RPS6KA5: variants seen among roughly 807,000 people sequenced by gnomAD.
RPS6KA5 encodes ribosomal protein S6 kinase alpha-5.
Under a neutral mutation model 85.5 loss-of-function variants are expected in RPS6KA5, and 27 were observed. The observed-to-expected ratio is 0.32, with a 90% confidence interval of 0.23 to 0.44. The LOEUF (loss-of-function observed/expected upper bound fraction) is 0.44. Ranked by LOEUF, RPS6KA5 falls within the 20% of genes least tolerant of loss-of-function variation. The probability of loss-of-function intolerance (pLI) is 1.00; values close to 1 mark genes in which losing one functional copy is unlikely to be tolerated. For synonymous variants in RPS6KA5, 334 were observed against 348.2 expected (o/e 0.96, Z 0.46); for missense variants, 811 against 980.9 (o/e 0.83, Z 2.31).
At chr14:91,020,012 G>T (rs553407556) in intron 1 of RPS6KA5, among the ~76,000 whole-genome samples, 5 of 152,184 alleles carry the variant, frequency 3.3e-5, no homozygotes, top group African/African-American at 1.2e-4. Context: ...GCATATGACT[G>T]TAAGGAATAC....
At chr14:91,034,737 T>G (rs2042331148) in intron 1 of RPS6KA5, among the ~76,000 whole-genome samples, 1 of 152,186 alleles carries the variant, frequency 6.6e-6, no homozygotes, top group Admixed American at 6.5e-5. Flanking sequence ...CGGTGCACTC[T>G]TTGGGTATGC....
chr14:90,955,198 C>T (rs2038435845), intron 3 of RPS6KA5, among the ~76,000 whole-genome samples: 1 of 152,096 alleles, frequency 6.6e-6, no homozygotes, highest in Non-Finnish European at 1.5e-5. Context: ...ATGTTTCTTG[C>T]TTTTTTAATT....
chr14:90,927,497 TA>T (rs1167764740), intron 5 of RPS6KA5, among the ~76,000 whole-genome samples: 2 of 152,036 alleles, frequency 1.3e-5, no homozygotes, highest in Middle Eastern at 3.4e-3. Context: ...AGATTGAAAG[TA>T]AAGAGATGAA....
chr14:91,035,742 T>C, intron 1 of RPS6KA5, among the ~76,000 whole-genome samples: 1 of 146,206 alleles, frequency 6.8e-6, no homozygotes, highest in East Asian at 2.0e-4. Flanking sequence ...AAGTAGAAAA[T>C]GAAGAGATAT....
intron 5 of RPS6KA5, among the ~76,000 whole-genome samples, chr14:90,925,941 C>CAAAA (rs71117389): frequency 2.9e-3 from 216 of 73,224 alleles, no homozygotes; most frequent in Middle Eastern, 9.1e-3. Context: ...GACCCTGACT[C>CAAAA]AAAAAAAAAA....
At chr14:91,001,762 ATATTGTCTTGAATAAATAAAAT>A in intron 1 of RPS6KA5, among the ~76,000 whole-genome samples, 1 of 152,364 alleles carries the variant, frequency 6.6e-6, no homozygotes, top group Middle Eastern at 3.4e-3. Context: ...CTTCAAAGAT[ATATTGTCTTGAATAAATAAAAT>A]TAGGATCTCT....
At chr14:91,013,945 GA>G (rs553480970) in intron 1 of RPS6KA5, among the ~76,000 whole-genome samples, 4 of 152,306 alleles carry the variant, frequency 2.6e-5, no homozygotes, top group African/African-American at 9.6e-5. Flanking sequence ...GAAAACATTG[GA>G]AAGTACTAAA....
At chr14:91,030,424 G>C (rs945632336) in intron 1 of RPS6KA5, among the ~76,000 whole-genome samples, 2 of 151,896 alleles carry the variant, frequency 1.3e-5, no homozygotes, top group South Asian at 2.1e-4. Flanking sequence ...ATGGAAAAAT[G>C]AACAAACTTG....
chr14:91,044,857 C>T (rs186624997), intron 1 of RPS6KA5, among the ~76,000 whole-genome samples: 7 of 137,206 alleles, frequency 5.1e-5, no homozygotes, highest in Admixed American at 1.6e-4. Flanking sequence ...GGCAACAGAG[C>T]GAGACGTGTC....
chr14:90,984,523 T>C (rs2039975639), intron 2 of RPS6KA5, among the ~76,000 whole-genome samples: 1 of 152,264 alleles, frequency 6.6e-6, no homozygotes, highest in African/African-American at 2.4e-5. Context: ...AAATGTGGAT[T>C]TATAATTCTA....
chr14:90,994,784 G>A (rs1454389536), intron 2 of RPS6KA5, among the ~76,000 whole-genome samples: 1 of 151,590 alleles, frequency 6.6e-6, no homozygotes, highest in Non-Finnish European at 1.5e-5. Flanking sequence ...GTGTTAGCCA[G>A]GATGGTCTCG....
At chr14:90,938,290 G>A (rs542013604) in intron 5 of RPS6KA5, among the ~76,000 whole-genome samples, 31 of 152,194 alleles carry the variant, frequency 2.0e-4, no homozygotes, top group Non-Finnish European at 3.5e-4. Context: ...GGGCAGCTCC[G>A]CCCCTGTGGC....
chr14:90,998,955 C>T (rs1306008545), intron 2 of RPS6KA5, among the ~76,000 whole-genome samples: 2 of 152,112 alleles, frequency 1.3e-5, no homozygotes, highest in Non-Finnish European at 2.9e-5. Context: ...GCAGGCCGGG[C>T]GTGATGGCTC....
intron 5 of RPS6KA5, among the ~76,000 whole-genome samples, chr14:90,941,293 T>C (rs1018286248): frequency 3.3e-5 from 5 of 152,226 alleles, no homozygotes; most frequent in Admixed American, 3.3e-4. Flanking sequence ...CCCAGGCTTC[T>C]CTGTAGAGAG....
intron 5 of RPS6KA5, among the ~76,000 whole-genome samples, chr14:90,925,195 C>A (rs1195691854): frequency 1.3e-5 from 2 of 152,084 alleles, no homozygotes; most frequent in South Asian, 4.1e-4. Context: ...GCTGCACAAA[C>A]GGTGGAAAGG....
chr14:91,044,725 G>T (rs1164550055), intron 1 of RPS6KA5, among the ~76,000 whole-genome samples: 1 of 151,982 alleles, frequency 6.6e-6, no homozygotes, highest in Non-Finnish European at 1.5e-5. Context: ...ATAAAAATTA[G>T]CCAGGTGTGG....
chr14:90,934,352 G>A (rs2037150478), intron 5 of RPS6KA5, among the ~76,000 whole-genome samples: 1 of 152,036 alleles, frequency 6.6e-6, no homozygotes, highest in Non-Finnish European at 1.5e-5. Context: ...AATTTAAAGA[G>A]AAATTTGGAA....
chr14:90,939,827 T>C (rs1363969655), intron 5 of RPS6KA5, among the ~76,000 whole-genome samples: 1 of 152,010 alleles, frequency 6.6e-6, no homozygotes, highest in Non-Finnish European at 1.5e-5. Context: ...AAGATACACA[T>C]TTAACCTGGA....
intron 1 of RPS6KA5, among the ~76,000 whole-genome samples, chr14:91,029,262 T>G (rs2042095641): frequency 6.6e-6 from 1 of 152,224 alleles, no homozygotes; most frequent in Non-Finnish European, 1.5e-5. Context: ...TTCCATTTTC[T>G]AAAACTTTTT....
Sources: gnomAD v4.1 joint callset for allele counts (sites outside exome capture counted in the v4.1 genomes callset) on GRCh38, gnomAD v4.1.1 for gene constraint, MANE v1.5 for transcripts, NCBI Gene and HGNC (gene_info 2026-07-23, HGNC 2026-07-21) for gene names.